EYS: variants seen among roughly 807,000 people sequenced by gnomAD.
EYS encodes EGF-like photoreceptor maintenance factor.
EYS carries 250 observed loss-of-function variants against 282.1 expected under a neutral mutation model. The ratio of observed to expected loss-of-function variants is 0.89; its 90% CI spans 0.80 to 0.98. The LOEUF is 0.98. Among genes scored for constraint, EYS ranks in the 50% least tolerant of loss-of-function variants. EYS has a pLI of 0.00. For missense variants in EYS, 4,016 were observed against 3,709.0 expected (o/e 1.08, Z -2.15); for synonymous variants, 1,355 against 1,282.9 (o/e 1.06, Z -1.20).
At position 64,120,692 on chromosome 6, in the gene EYS, T is replaced by C. The variant is rs143299514; in HGVS notation, c.6425-38690A>G. 1.9e-3 allele frequency among the ~76,000 whole-genome samples: 291 copies of C among 152,292 alleles called. 1 individual carries two copies. The highest frequency in any genetic ancestry group is 6.6e-3 in the African/African-American group (274 of 41,570). ...ATGCTACCAAAGTCCAGTTATGGGA[T>C]GGTGCTTATAGGAACATACTATTAT... On this transcript the variant is annotated intron_variant, in intron 31 of 42. Transcript: ENST00000503581.
chr6:64,898,658 C>T (rs1767552799), intron 18 of EYS, among the ~76,000 whole-genome samples: 1 of 150,332 alleles, frequency 6.7e-6, no homozygotes, highest in Admixed American at 6.7e-5. Flanking sequence ...CACAGACTGG[C>T]AAATTGTATA....
chr6:65,540,032 A>G (rs1281473701), intron 2 of EYS, among the ~76,000 whole-genome samples: 1 of 152,174 alleles, frequency 6.6e-6, no homozygotes, highest in Non-Finnish European at 1.5e-5. Context: ...AAAAGTTTAG[A>G]CTGATATATT....
intron 19 of EYS, among the ~76,000 whole-genome samples, chr6:64,847,191 G>T (rs1161536752): frequency 6.6e-6 from 1 of 151,890 alleles, no homozygotes; most frequent in Non-Finnish European, 1.5e-5. Flanking sequence ...CTCTGTAATT[G>T]CAGGAGATAA....
intron 14 of EYS, among the ~76,000 whole-genome samples, chr6:64,960,477 T>C (rs1183268517): frequency 6.6e-6 from 1 of 152,164 alleles, no homozygotes; most frequent in East Asian, 1.9e-4. Flanking sequence ...AACTTTGTTT[T>C]TTCCAATATA....
intron 14 of EYS, 136 bp from the exon 15 acceptor site, chr6:64,946,050 C>G (rs372563248): frequency 3.3e-6 from 2 of 610,312 alleles, no homozygotes; most frequent in East Asian, 3.0e-5. Context: ...AATACTCCCC[C>G]CAAATGACTT....
intron 26 of EYS, among the ~76,000 whole-genome samples, chr6:64,560,534 G>T (rs965337415): frequency 1.3e-5 from 2 of 151,962 alleles, no homozygotes; most frequent in African/African-American, 4.8e-5. Context: ...CATGGAAACA[G>T]CAAGGTTCAT....
intron 24 of EYS, among the ~76,000 whole-genome samples, chr6:64,615,589 A>G (rs1767246607): frequency 6.6e-6 from 1 of 152,138 alleles, no homozygotes; most frequent in Non-Finnish European, 1.5e-5. Flanking sequence ...ATACTGCTAT[A>G]GCATTGGCAT....
intron 22 of EYS, among the ~76,000 whole-genome samples, chr6:64,798,056 T>C (rs1467297678): frequency 6.6e-6 from 1 of 151,934 alleles, no homozygotes; most frequent in African/African-American, 2.4e-5. Flanking sequence ...ATCGTATTAA[T>C]ATAAAGTAAC....
At chr6:65,177,168 A>G (rs1765246029) in intron 12 of EYS, among the ~76,000 whole-genome samples, 1 of 151,838 alleles carries the variant, frequency 6.6e-6, no homozygotes, top group African/African-American at 2.4e-5. Context: ...ACTATATTCA[A>G]AAATCTTTGC....
At chr6:63,997,138 C>A (rs751781701) in intron 34 of EYS, among the ~76,000 whole-genome samples, 10 of 152,160 alleles carry the variant, frequency 6.6e-5, no homozygotes, top group Non-Finnish European at 1.3e-4. Context: ...AGCTTCAGCT[C>A]ACAAAATTTT....
intron 30 of EYS, among the ~76,000 whole-genome samples, chr6:64,304,864 T>C (rs1394509841): frequency 2.0e-5 from 3 of 152,020 alleles, no homozygotes; most frequent in African/African-American, 4.8e-5. Flanking sequence ...CGAGATGCAG[T>C]GAAAGCAGTG....
chr6:64,562,907 T>C (rs1228073666), intron 26 of EYS, among the ~76,000 whole-genome samples: 1 of 151,990 alleles, frequency 6.6e-6, no homozygotes, highest in Non-Finnish European at 1.5e-5. Flanking sequence ...TTTCATTTGG[T>C]TGCAGACAAA....
chr6:65,553,808 AT>A (rs1280262950), intron 2 of EYS, among the ~76,000 whole-genome samples: 2 of 152,122 alleles, frequency 1.3e-5, no homozygotes, highest in African/African-American at 2.4e-5. Flanking sequence ...TCTCAAGCTG[AT>A]TTTTACATTT....
At chr6:65,089,982 TAC>T (rs113762450) in intron 12 of EYS, among the ~76,000 whole-genome samples, 4,437 of 141,252 alleles carry the variant, frequency 0.031, 132 homozygotes, top group African/African-American at 0.078. Context: ...TATAAATAAA[TAC>T]ACACACACAC....
chr6:64,634,773 T>C lies in EYS; in HGVS notation c.3444-8528A>G, dbSNP rs1338699966. ...TAAATTCAAACTACACTGAGAACTT[T>C]GGTTAAGATAATTTTTCTCTTCTAT... On this transcript the variant is annotated intron_variant, in intron 22 of 42. Coordinates refer to ENST00000503581, the MANE Select transcript of EYS (RefSeq NM_001142800.2). 2.0e-5 allele frequency among the ~76,000 whole-genome samples: 3 copies of C among 152,186 alleles called. No homozygotes were observed. The East Asian group carries it at 5.8e-4, about 29-fold the overall frequency.
intron 33 of EYS, among the ~76,000 whole-genome samples, chr6:64,009,580 G>A (rs1768510842): frequency 6.6e-6 from 1 of 152,146 alleles, no homozygotes; most frequent in South Asian, 2.1e-4. Flanking sequence ...CACTTCTCCC[G>A]GCCAGCTTGG....
chr6:64,248,794 C>T (rs564666589), intron 30 of EYS, among the ~76,000 whole-genome samples: 3 of 152,174 alleles, frequency 2.0e-5, no homozygotes, highest in East Asian at 1.9e-4. Flanking sequence ...GTGGCTCACA[C>T]CTATAATCCC....
intron 5 of EYS, among the ~76,000 whole-genome samples, chr6:65,426,432 T>A (rs1767665619): frequency 6.6e-6 from 1 of 152,118 alleles, no homozygotes; most frequent in African/African-American, 2.4e-5. Context: ...TTTATTATTA[T>A]CTTTAATGTC....
intron 37 of EYS, among the ~76,000 whole-genome samples, chr6:63,803,800 T>A (rs1291573445): frequency 6.6e-6 from 1 of 152,142 alleles, no homozygotes; most frequent in African/African-American, 2.4e-5. Flanking sequence ...TATGTAAAGC[T>A]CCCATTCTGT....
Sources: gnomAD v4.1 joint callset for allele counts (sites outside exome capture counted in the v4.1 genomes callset) on GRCh38, gnomAD v4.1.1 for gene constraint, MANE v1.5 for transcripts, NCBI Gene and HGNC (gene_info 2026-07-23, HGNC 2026-07-21) for gene names.